SMIM31: variants seen among roughly 807,000 people sequenced by gnomAD.
The protein encoded by SMIM31 is small integral membrane protein 31.
At chr4:164,773,017 G>C (rs1039695821) in intron 2 of SMIM31, among the ~76,000 whole-genome samples, 1 of 47,180 alleles carries the variant, frequency 2.1e-5, no homozygotes, top group African/African-American at 8.5e-5. Context: ...CCTTGAAAAA[G>C]ACACTTGGCT....
In SMIM31 at chr4:164,803,585, A is replaced by G. The variant is rs1733315572; in HGVS notation, c.*2391A>G. On this transcript the variant is annotated 3_prime_UTR_variant, in exon 3 of 3. Coordinates refer to ENST00000507311, the MANE Select transcript of SMIM31 (RefSeq NM_001352885.1). Reference sequence around the variant, plus strand: ...CGAGGTGGGTGGATCACCTGAGGTCAAGAGTTAGAGACCAGCCTGGCCAAG... The same window carrying G: ...CGAGGTGGGTGGATCACCTGAGGTCGAGAGTTAGAGACCAGCCTGGCCAAG... 1 of 152,182 alleles carries G rather than the reference A, an allele frequency of 6.6e-6. No individual in the cohort carries two copies. Among genetic ancestry groups the G allele is most frequent in the Non-Finnish European group, 1.5e-5 (1 of 68,056 alleles). The allele number at this position is 152,182 out of a possible 1,614,324, so 9.4% of individuals were successfully genotyped here. A position where few individuals can be genotyped will look rare whatever the true frequency, so the allele number is the denominator to read the frequency against.
intron 2 of SMIM31, among the ~76,000 whole-genome samples, chr4:164,796,894 C>T (rs1733204548): frequency 6.6e-6 from 1 of 152,236 alleles, no homozygotes. Flanking sequence ...TCATTTAGAC[C>T]AATAGCCAAA....
At chr4:164,764,315 C>T (rs28387034) in intron 1 of SMIM31, among the ~76,000 whole-genome samples, 19,627 of 151,864 alleles carry the variant, frequency 0.13, 1,498 homozygotes, top group African/African-American at 0.21. Flanking sequence ...ACACCTGTAA[C>T]CTCAGCACTT....
intron 2 of SMIM31, among the ~76,000 whole-genome samples, chr4:164,773,796 A>G (rs1360004548): frequency 6.6e-6 from 1 of 152,148 alleles, no homozygotes; most frequent in East Asian, 1.9e-4. Flanking sequence ...TAAATCATAT[A>G]AAATGCCAAA....
intron 1 of SMIM31, among the ~76,000 whole-genome samples, chr4:164,770,025 A>G (rs374196386): frequency 2.0e-5 from 3 of 152,136 alleles, no homozygotes; most frequent in South Asian, 2.1e-4. Flanking sequence ...CTGGTACCTC[A>G]CTTACAGAGT....
At chr4:164,755,306 C>G (rs62352402) in intron 1 of SMIM31, among the ~76,000 whole-genome samples, 19,762 of 150,656 alleles carry the variant, frequency 0.13, 1,638 homozygotes, top group East Asian at 0.41. Flanking sequence ...ACGGTGAAAC[C>G]CTGTCTCTAC....
chr4:164,776,600 A>G (rs1732882616), intron 2 of SMIM31, among the ~76,000 whole-genome samples: 1 of 152,202 alleles, frequency 6.6e-6, no homozygotes, highest in African/African-American at 2.4e-5. Flanking sequence ...TAACAAAAGC[A>G]TGTTTTAAAG....
intron 2 of SMIM31, chr4:164,787,236 A>T (rs1388223208): frequency 1.3e-5 from 2 of 152,166 alleles, no homozygotes; most frequent in African/African-American, 4.8e-5. Context: ...AGAGATACTA[A>T]ATGGTGTGCC....
At chr4:164,757,824 A>G in intron 1 of SMIM31, among the ~76,000 whole-genome samples, 1 of 147,106 alleles carries the variant, frequency 6.8e-6, no homozygotes, top group Non-Finnish European at 1.5e-5. Context: ...ACTAAAGTTT[A>G]TAGTAAGTCT....
intron 2 of SMIM31, among the ~76,000 whole-genome samples, chr4:164,772,465 C>G (rs184840873): frequency 5.3e-5 from 8 of 152,064 alleles, no homozygotes; most frequent in Non-Finnish European, 1.2e-4. Context: ...GGGCAGAACG[C>G]GAAGCACTTT....
intron 2 of SMIM31, among the ~76,000 whole-genome samples, chr4:164,793,037 G>A (rs113824378): frequency 0.016 from 2,418 of 152,224 alleles, 27 homozygotes; most frequent in African/African-American, 0.036. Flanking sequence ...CATAAAAAAA[G>A]AACAAAATCA....
intron 1 of SMIM31, among the ~76,000 whole-genome samples, chr4:164,758,583 T>C (rs1732597762): frequency 6.6e-6 from 1 of 151,632 alleles, no homozygotes; most frequent in South Asian, 2.1e-4. Context: ...TTCAAATGCC[T>C]TGTCAGTATT....
intron 2 of SMIM31, 139 bp from the exon 3 acceptor site, chr4:164,800,952 C>T (rs1191337547): frequency 2.1e-5 from 8 of 388,392 alleles, no homozygotes; most frequent in African/African-American, 8.2e-5. Flanking sequence ...TGTCTCCTTT[C>T]GCTAGGTGTA....
At chr4:164,773,551 C>T (rs1261858965) in intron 2 of SMIM31, among the ~76,000 whole-genome samples, 2 of 152,128 alleles carry the variant, frequency 1.3e-5, no homozygotes, top group African/African-American at 4.8e-5. Context: ...ACCATCAGAT[C>T]TTGTGAGAAC....
intron 2 of SMIM31, among the ~76,000 whole-genome samples, chr4:164,781,478 T>C (rs1471239524): frequency 6.6e-6 from 1 of 152,318 alleles, no homozygotes; most frequent in East Asian, 1.9e-4. Context: ...AAACAAACTA[T>C]TGATACATGC....
intron 2 of SMIM31, among the ~76,000 whole-genome samples, chr4:164,796,368 C>CT (rs1262370808): frequency 6.6e-6 from 1 of 152,188 alleles, no homozygotes; most frequent in African/African-American, 2.4e-5. Context: ...TCTACCTCCC[C>CT]TATCAGTCCT....
chr4:164,776,618 G>A (rs1732882785), intron 2 of SMIM31, among the ~76,000 whole-genome samples: 1 of 152,128 alleles, frequency 6.6e-6, no homozygotes, highest in Non-Finnish European at 1.5e-5. Context: ...AAGATAATAA[G>A]AAATCACTCT....
At chr4:164,761,790 G>T (rs1204042575) in intron 1 of SMIM31, among the ~76,000 whole-genome samples, 2 of 151,818 alleles carry the variant, frequency 1.3e-5, no homozygotes, top group African/African-American at 2.4e-5. Flanking sequence ...CAGGTGTGGT[G>T]GCTAGTGCCT....
At chr4:164,768,442 A>T (rs1357446360) in intron 1 of SMIM31, among the ~76,000 whole-genome samples, 1 of 151,366 alleles carries the variant, frequency 6.6e-6, no homozygotes, top group East Asian at 1.9e-4. Context: ...AAAAAAAAAA[A>T]AGAATGAGGA....
Sources: allele counts gnomAD v4.1 joint callset (sites outside exome capture counted in the v4.1 genomes callset), GRCh38; gene constraint gnomAD v4.1.1; transcripts MANE v1.5; gene names NCBI Gene and HGNC (gene_info 2026-07-23, HGNC 2026-07-21).